The following PRDM16 variants were observed in gnomAD, a reference collection of about 807,000 sequenced individuals.
PRDM16 encodes the protein PR/SET domain 16, also known as histone-lysine N-methyltransferase PRDM16.
In PRDM16, 23 loss-of-function variants were observed where a neutral mutation model predicts 110.6. The observed-to-expected ratio is 0.21, with a 90% CI of 0.15 to 0.29. The LOEUF (loss-of-function observed/expected upper bound fraction) is 0.29. PRDM16 is among the 10% of genes least tolerant of loss of function. The pLI is 1.00. For synonymous variants in PRDM16, 799 were observed against 781.8 expected (o/e 1.02, Z -0.37); for missense variants, 1,615 against 1,794.3 (o/e 0.90, Z 1.81).
At chr1:3,299,019 G>C (rs1380168399) in intron 3 of PRDM16, among the ~76,000 whole-genome samples, 3 of 152,206 alleles carry the variant, frequency 2.0e-5, no homozygotes, top group Non-Finnish European at 4.4e-5. Context: ...CTGGAATTTT[G>C]TCCTCGGACC....
intron 1 of PRDM16, among the ~76,000 whole-genome samples, chr1:3,071,397 C>T (rs888943816): frequency 1.2e-4 from 18 of 152,174 alleles, no homozygotes; most frequent in African/African-American, 4.3e-4. Flanking sequence ...TTCCTTTTCC[C>T]GAGAGTCTTT....
intron 1 of PRDM16, among the ~76,000 whole-genome samples, chr1:3,137,592 C>G (rs1203478153): frequency 6.6e-6 from 1 of 152,194 alleles, no homozygotes; most frequent in African/African-American, 2.4e-5. Flanking sequence ...GAGGAGGTGG[C>G]TTTGTGTGGA....
chr1:3,226,903 A>G (rs1380712837), intron 2 of PRDM16, among the ~76,000 whole-genome samples: 1 of 152,250 alleles, frequency 6.6e-6, no homozygotes, highest in African/African-American at 2.4e-5. Flanking sequence ...CTTTAAGACC[A>G]AGACAGAACA....
chr1:3,169,756 G>A (rs1166886980), intron 1 of PRDM16, among the ~76,000 whole-genome samples: 1 of 152,256 alleles, frequency 6.6e-6, no homozygotes, highest in Non-Finnish European at 1.5e-5. Context: ...GAAGGGGCAG[G>A]TGGGGAAGGG....
chr1:3,136,570 A>G (rs751800840), intron 1 of PRDM16, among the ~76,000 whole-genome samples: 1 of 152,130 alleles, frequency 6.6e-6, no homozygotes, highest in African/African-American at 2.4e-5. Flanking sequence ...GCTCTGGGCC[A>G]GCTCCAAGGA....
chr1:3,333,628 C>T (rs967163663), intron 3 of PRDM16, among the ~76,000 whole-genome samples: 4 of 147,122 alleles, frequency 2.7e-5, no homozygotes, highest in African/African-American at 1.1e-4. Flanking sequence ...AGAGCCATCG[C>T]GGCTAAGGTC....
intron 5 of PRDM16, among the ~76,000 whole-genome samples, chr1:3,401,139 C>A (rs1345868919): frequency 6.6e-6 from 1 of 152,196 alleles, no homozygotes; most frequent in East Asian, 1.9e-4. Context: ...TACCCTTAGG[C>A]TCAGGGAAGC....
At chr1:3,247,396 A>C (rs1639811739) in intron 3 of PRDM16, among the ~76,000 whole-genome samples, 1 of 152,204 alleles carries the variant, frequency 6.6e-6, no homozygotes, top group Non-Finnish European at 1.5e-5. Flanking sequence ...CTCTACTCAG[A>C]ATTTACAGGC....
intron 9 of PRDM16, 104 bp from the exon 10 acceptor site, chr1:3,414,456 C>A: frequency 1.3e-6 from 1 of 797,854 alleles, no homozygotes; most frequent in South Asian, 1.6e-5. Context: ...GGCCTTGTGA[C>A]TGGCCAGGTA....
At chr1:3,131,036 G>A (rs1359566256) in intron 1 of PRDM16, among the ~76,000 whole-genome samples, 2 of 152,100 alleles carry the variant, frequency 1.3e-5, no homozygotes, top group African/African-American at 2.4e-5. Flanking sequence ...CGCTTGAACC[G>A]GGTCCTGCAG....
chr1:3,128,344 T>G (rs1643254750), intron 1 of PRDM16, among the ~76,000 whole-genome samples: 1 of 152,238 alleles, frequency 6.6e-6, no homozygotes, highest in Admixed American at 6.5e-5. Flanking sequence ...TTTGATTTCC[T>G]ATTTTATCCC....
At chr1:3,079,332 C>G (rs1360597398) in intron 1 of PRDM16, among the ~76,000 whole-genome samples, 1 of 152,060 alleles carries the variant, frequency 6.6e-6, no homozygotes, top group Non-Finnish European at 1.5e-5. Context: ...CCTGGCTGGC[C>G]CAGCCCCTGT....
chr1:3,169,228 T>C (rs896666976), intron 1 of PRDM16, among the ~76,000 whole-genome samples: 3 of 152,122 alleles, frequency 2.0e-5, no homozygotes, highest in African/African-American at 7.2e-5. Context: ...AAACCCATGG[T>C]TTGGAACCTC....
intron 10 of PRDM16, among the ~76,000 whole-genome samples, chr1:3,416,094 G>A (rs1334789021): frequency 1.3e-5 from 2 of 152,348 alleles, no homozygotes; most frequent in East Asian, 3.9e-4. Flanking sequence ...GCTGGAAGGG[G>A]CCAGAGGGGA....
intron 3 of PRDM16, among the ~76,000 whole-genome samples, chr1:3,314,374 G>A (rs532844314): frequency 2.4e-4 from 37 of 152,260 alleles, no homozygotes; most frequent in East Asian, 5.8e-4. Flanking sequence ...TCTCTGTACC[G>A]AATCGGAAGG....
chr1:3,088,456 T>A (rs1023615217), intron 1 of PRDM16, among the ~76,000 whole-genome samples: 1 of 150,276 alleles, frequency 6.7e-6, no homozygotes, highest in African/African-American at 2.4e-5. Context: ...TTATTATTTA[T>A]TTATTTATTT....
At chr1:3,215,661 GC>G (rs1438128261) in intron 2 of PRDM16, among the ~76,000 whole-genome samples, 1 of 152,172 alleles carries the variant, frequency 6.6e-6, no homozygotes, top group African/African-American at 2.4e-5. Context: ...GTGGCTCCAG[GC>G]CACCCCTCCC....
intron 3 of PRDM16, among the ~76,000 whole-genome samples, chr1:3,256,350 CCCA>C: frequency 6.6e-6 from 1 of 152,266 alleles, no homozygotes; most frequent in East Asian, 1.9e-4. Context: ...GGGTCCACGC[CCCA>C]TTCTACATTC....
chr1:3,154,202 C>G (rs1643823600), intron 1 of PRDM16, among the ~76,000 whole-genome samples: 1 of 152,154 alleles, frequency 6.6e-6, no homozygotes, highest in Non-Finnish European at 1.5e-5. Flanking sequence ...TCGTTAGGAT[C>G]TGCCATGGAG....
Sources: gnomAD v4.1 joint callset for allele counts (sites outside exome capture counted in the v4.1 genomes callset) on GRCh38, gnomAD v4.1.1 for gene constraint, MANE v1.5 for transcripts, NCBI Gene and HGNC (gene_info 2026-07-23, HGNC 2026-07-21) for gene names.